Variants in PLAUR observed in about 807,000 individuals in gnomAD.
PLAUR encodes the protein plasminogen activator, urokinase receptor.
PLAUR carries 22 observed loss-of-function variants against 33.4 expected under a neutral mutation model. The observed-to-expected ratio is 0.66, with a 90% CI of 0.47 to 0.94. The LOEUF (loss-of-function observed/expected upper bound fraction) is 0.94, where lower values mean the gene tolerates loss of function less well. Among genes scored for constraint, PLAUR ranks in the 40% least tolerant of loss-of-function variants. The pLI is 0.00. For missense variants in PLAUR, 408 were observed against 434.7 expected, an observed-to-expected ratio of 0.94 and a Z score of 0.55; for synonymous variants, 148 against 167.3, an observed-to-expected ratio of 0.88 and a Z score of 0.89.
chr19:43,666,729 G>A (rs746602842), intron 2 of PLAUR, among the ~76,000 whole-genome samples: 45 of 151,782 alleles, frequency 3.0e-4, no homozygotes, highest in Admixed American at 5.3e-4. Context: ...CACCAAGCCC[G>A]GCTAATTTTT....
chr19:43,662,836 T>A (rs1408703060), intron 3 of PLAUR, among the ~76,000 whole-genome samples: 1 of 151,778 alleles, frequency 6.6e-6, no homozygotes, highest in Non-Finnish European at 1.5e-5. Context: ...CGCCTCAACC[T>A]CCCAAGGAGC....
chr19:43,651,305 G>T (rs990991384), intron 6 of PLAUR, among the ~76,000 whole-genome samples: 1 of 151,990 alleles, frequency 6.6e-6, no homozygotes, highest in Non-Finnish European at 1.5e-5. Flanking sequence ...TTGAACTCCC[G>T]ACCTCAGGTG....
chr19:43,659,152 T>G (rs1213502366), intron 3 of PLAUR, among the ~76,000 whole-genome samples: 1 of 90,480 alleles, frequency 1.1e-5, no homozygotes, highest in Non-Finnish European at 2.2e-5. Flanking sequence ...GCTATTTTCC[T>G]TTTTCTTTTC....
chr19:43,659,321 T>A (rs1671074026), intron 3 of PLAUR, among the ~76,000 whole-genome samples: 1 of 152,160 alleles, frequency 6.6e-6, no homozygotes, highest in Non-Finnish European at 1.5e-5. Flanking sequence ...ACCTGGCTGA[T>A]TCCTGTATTT....
Position 43,665,379 on chromosome 19 carries a change from A to T in PLAUR, c.247T>A (p.Leu83Met). Residue 83 changes from leucine to methionine, a missense_variant, in exon 3 of 7, where the codon TTG (leucine) becomes ATG (methionine). Coordinates refer to ENST00000340093, the MANE Select transcript of PLAUR (RefSeq NM_002659.4). The stretch of plus-strand genomic sequence containing the variant: ...ACCTCGGTAAGGCTGGTGATCTTCA[A>T]GCCAGTCCGATAGCTCAGGGTCCTG... Reference protein sequence around the residue: ...TNRTLSYRTGLKITSLTEVVC... With the variant: ...TNRTLSYRTGMKITSLTEVVC... The T allele has an allele frequency of 6.2e-7, 1 of 1,613,828 alleles. No homozygotes were observed. Among genetic ancestry groups the T allele is most frequent in the Non-Finnish European group, 8.5e-7 (1 of 1,179,958 alleles).
intron 5 of PLAUR, 88 bp from the exon 6 acceptor site, chr19:43,652,459 C>A: frequency 1.5e-6 from 2 of 1,303,368 alleles, no homozygotes; most frequent in Non-Finnish European, 1.1e-6. Flanking sequence ...ACTTCCACTC[C>A]GAGCCAGAGA....
chr19:43,666,050 C>G (rs1967229425), intron 2 of PLAUR, among the ~76,000 whole-genome samples: 1 of 151,356 alleles, frequency 6.6e-6, no homozygotes, highest in African/African-American at 2.4e-5. Context: ...GATCTCAGTA[C>G]TGAGATGCCT....
chr19:43,664,677 T>C (rs1056882128), intron 3 of PLAUR, among the ~76,000 whole-genome samples: 2 of 152,196 alleles, frequency 1.3e-5, no homozygotes, highest in African/African-American at 4.8e-5. Flanking sequence ...TGCAGAGGAT[T>C]CTCCCAGCCT....
intron 2 of PLAUR, among the ~76,000 whole-genome samples, 167 bp from the exon 3 acceptor site, chr19:43,665,626 C>G (rs893466869): frequency 4.2e-5 from 6 of 144,276 alleles, no homozygotes; most frequent in Middle Eastern, 3.4e-3. Flanking sequence ...CCTCCACCCC[C>G]ACCCCAACAA....
chr19:43,649,410 A>G (rs1217326483), intron 6 of PLAUR, among the ~76,000 whole-genome samples: 1 of 151,834 alleles, frequency 6.6e-6, no homozygotes, highest in East Asian at 1.9e-4. Context: ...AAAAGAAAAA[A>G]ACAGCTGTAG....
Position 43,665,370 on chromosome 19 carries a change from TG to T in PLAUR, c.255del (p.Thr86ProfsTer10), listed in dbSNP as rs745738157. On this transcript the variant is annotated frameshift_variant, in exon 3 of 7. Transcript: ENST00000340093. Reference protein sequence around the residue: ...RTLSYRTGLKITSLTEVVCGL... With the variant: ...RTLSYRTGLKXTSLTEVVCGL... The stretch of plus-strand genomic sequence containing the variant: ...CCACACACAACCTCGGTAAGGCTGG[TG>T]ATCTTCAAGCCAGTCCGATAGCTCA... 6.2e-7 allele frequency: 1 copy of T among 1,613,840 alleles called. No individual in the cohort carries two copies.
chr19:43,646,657 C>T, downstream of PLAUR: 1 of 655,188 alleles, frequency 1.5e-6, no homozygotes, highest in Non-Finnish European at 2.8e-6. Flanking sequence ...CAGAGTCACT[C>T]ATATTCAAGA....
chr19:43,655,352 G>T, intron 5 of PLAUR, 87 bp downstream of exon 5: 10 of 1,242,656 alleles, frequency 8.0e-6, no homozygotes, highest in Non-Finnish European at 7.8e-6. Flanking sequence ...GAGAGGACTT[G>T]ATTGCCAGAG....
At chr19:43,649,311 T>C (rs758056932) in intron 6 of PLAUR, among the ~76,000 whole-genome samples, 168 bp from the exon 7 acceptor site, 32 of 151,834 alleles carry the variant, frequency 2.1e-4, no homozygotes, top group Non-Finnish European at 3.7e-4. Flanking sequence ...TCTCAACACC[T>C]TGGGAAGCCA....
At position 43,649,005 on chromosome 19, in the gene PLAUR, A is replaced by T; in HGVS notation, c.893T>A (p.Leu298Gln). 1 of 1,614,194 alleles carries T rather than the reference A, an allele frequency of 6.2e-7. No individual in the cohort carries two copies. The highest frequency in any genetic ancestry group is 8.5e-7 in the Non-Finnish European group (1 of 1,180,028). The change falls in exon 7 of 7, where the codon CTG (leucine) becomes CAG (glutamine). Residue 298 changes from leucine (L) to glutamine (Q), a missense_variant. Transcript: ENST00000340093. ...AGCCCCACTGCGGTACTGGACATCC[A>T]GGTCTGGGTGGTTACAGCCACTTTT... ...CTKSGCNHPD[L>Q]DVQYRSGAAP...
At chr19:43,659,167 C>CTTTTTTCTT (rs1555780399) in intron 3 of PLAUR, among the ~76,000 whole-genome samples, 1 of 97,138 alleles carries the variant, frequency 1.0e-5, no homozygotes, top group Non-Finnish European at 1.9e-5. Context: ...CTTTTCTTTT[C>CTTTTTTCTT]TTTTTTTTTT....
chr19:43,647,881 T>A (rs367575188), downstream of PLAUR, among the ~76,000 whole-genome samples: 1 of 150,104 alleles, frequency 6.7e-6, no homozygotes, highest in Non-Finnish European at 1.5e-5. Flanking sequence ...AAGGACAGGT[T>A]TATTTTAGAG....
At chr19:43,659,369 T>C (rs964461533) in intron 3 of PLAUR, among the ~76,000 whole-genome samples, 13 of 152,038 alleles carry the variant, frequency 8.6e-5, no homozygotes, top group Non-Finnish European at 7.4e-5. Context: ...CCCAGGCTAG[T>C]CTCGAACTCC....
Position 43,649,014 on chromosome 19 carries a change from T to C in PLAUR, c.884A>G (p.His295Arg), listed in dbSNP as rs1449226807. 3.1e-6 allele frequency: 5 copies of C among 1,613,992 alleles called. No homozygotes were observed. The highest frequency in any genetic ancestry group is 3.4e-6 in the Non-Finnish European group (4 of 1,180,028). The change falls in exon 7 of 7, where the codon CAC (histidine) becomes CGC (arginine). Residue 295 changes from histidine to arginine, a missense_variant. Transcript: ENST00000340093. ...GCGGTACTGGACATCCAGGTCTGGG[T>C]GGTTACAGCCACTTTTAGTACAGCA... Reference protein sequence around the residue: ...VSCCTKSGCNHPDLDVQYRSG... With the variant: ...VSCCTKSGCNRPDLDVQYRSG...
Sources: allele counts gnomAD v4.1 joint callset (sites outside exome capture counted in the v4.1 genomes callset), GRCh38; gene constraint gnomAD v4.1.1; transcripts MANE v1.5; gene names NCBI Gene and HGNC (gene_info 2026-07-23, HGNC 2026-07-21).